Variants in NAPEPLD observed in about 807,000 individuals in gnomAD.
NAPEPLD encodes the protein N-acyl phosphatidylethanolamine phospholipase D, also known as N-acyl-phosphatidylethanolamine-hydrolyzing phospholipase D.
Under a neutral mutation model 38.1 loss-of-function variants are expected in NAPEPLD, and 23 were observed. That is an observed-to-expected ratio of 0.60 (90% CI 0.43 to 0.86). The LOEUF is 0.86. NAPEPLD is among the 40% of genes least tolerant of loss of function. The probability of loss-of-function intolerance (pLI) is 0.00; values close to 1 mark genes in which losing one functional copy is unlikely to be tolerated. For missense variants in NAPEPLD, 411 were observed against 476.8 expected (o/e 0.86, Z 1.28); for synonymous variants, 147 against 162.0 (o/e 0.91, Z 0.71).
At chr7:103,122,777 A>C (rs1260407357) in intron 2 of NAPEPLD, among the ~76,000 whole-genome samples, 1 of 152,196 alleles carries the variant, frequency 6.6e-6, no homozygotes, top group African/African-American at 2.4e-5. Flanking sequence ...CTACTAACCT[A>C]GTTAAGATGC....
Position 103,101,913 on chromosome 7 carries a change from C to G in NAPEPLD, c.*1516G>C, listed in dbSNP as rs1802454210. 6.6e-6 allele frequency: 1 copy of G among 152,108 alleles called. No individual in the cohort carries two copies. Among genetic ancestry groups the G allele is most frequent in the Non-Finnish European group, 1.5e-5 (1 of 68,024 alleles). 9.4% of individuals were successfully genotyped at this position (152,108 alleles called of 1,614,324 possible). A position where few individuals can be genotyped will look rare whatever the true frequency, so the allele number is the denominator to read the frequency against. On this transcript the variant is annotated 3_prime_UTR_variant, in exon 5 of 5. Transcript: ENST00000465647. ...ATACAGAATGGGCCTCCAGTGGTAT[C>G]TAATCCACCTCCCTCCCTTAGGAAG...
chr7:103,134,078 A>AT (rs1335140885), intron 1 of NAPEPLD, among the ~76,000 whole-genome samples: 10 of 152,252 alleles, frequency 6.6e-5, no homozygotes, highest in Non-Finnish European at 1.5e-4. Context: ...ACATATAGTG[A>AT]TATCAGTGGT....
chr7:103,104,690 G>A (rs1406368075), intron 4 of NAPEPLD, among the ~76,000 whole-genome samples: 2 of 152,196 alleles, frequency 1.3e-5, no homozygotes, highest in Non-Finnish European at 2.9e-5. Context: ...GTAATGGATA[G>A]TTGATAACAG....
chr7:103,149,447 T>A (rs1267966524), upstream of NAPEPLD: 2 of 1,258,328 alleles, frequency 1.6e-6, no homozygotes, highest in Non-Finnish European at 2.1e-6. Flanking sequence ...CGCCAGCAGC[T>A]GCAGGCAGCG....
intron 1 of NAPEPLD, among the ~76,000 whole-genome samples, chr7:103,146,217 T>C (rs1172974685): frequency 6.6e-6 from 1 of 152,154 alleles, no homozygotes; most frequent in Non-Finnish European, 1.5e-5. Flanking sequence ...TGGTGGCACA[T>C]GCCTGTAATT....
At chr7:103,143,727 G>T (rs1585906752) in intron 1 of NAPEPLD, among the ~76,000 whole-genome samples, 1 of 152,178 alleles carries the variant, frequency 6.6e-6, no homozygotes, top group African/African-American at 2.4e-5. Context: ...TCATGTGTAG[G>T]AAAAACATAT....
intron 1 of NAPEPLD, among the ~76,000 whole-genome samples, chr7:103,147,520 CTGCT>C (rs1297605138): frequency 2.0e-5 from 3 of 152,296 alleles, no homozygotes; most frequent in Non-Finnish European, 4.4e-5. Flanking sequence ...AAGGCAAATA[CTGCT>C]TTTCCAAACA....
At chr7:103,109,862 C>T (rs1013414186) in intron 4 of NAPEPLD, among the ~76,000 whole-genome samples, 5 of 151,966 alleles carry the variant, frequency 3.3e-5, no homozygotes, top group African/African-American at 4.8e-5. Flanking sequence ...ATCAAATTGA[C>T]GCAATAAAAA....
intron 2 of NAPEPLD, among the ~76,000 whole-genome samples, chr7:103,120,701 CTTTTTTTTTT>C (rs869141133): frequency 1.2e-4 from 10 of 82,530 alleles, no homozygotes; most frequent in Admixed American, 6.4e-4. Context: ...TGATATTTTT[CTTTTTTTTTT>C]TTTTTTTTTT....
At position 103,119,830 on chromosome 7, in the gene NAPEPLD, A is replaced by G. The variant is rs1271780061; in HGVS notation, c.688T>C (p.Leu230=). Residue 230 remains leucine (L), a synonymous_variant, in exon 3 of 5, where the codon TTG becomes CTG. Transcript: ENST00000465647. The stretch of plus-strand genomic sequence containing the variant: ...ACACAATTCTCCTCCCACCAGTCCA[A>G]CTCAATCACATTCTCACAGCCACAT... The part of the protein sequence containing the change: ...QKCGCENVIE[L]DWWEENCVPG... 6.2e-7 allele frequency: 1 copy of G among 1,613,982 alleles called. No individual in the cohort carries two copies. The highest frequency in any genetic ancestry group is 2.2e-5 in the East Asian group (1 of 44,898).
intron 1 of NAPEPLD, among the ~76,000 whole-genome samples, chr7:103,135,557 C>T (rs1809852184): frequency 1.3e-5 from 2 of 152,102 alleles, no homozygotes; most frequent in Admixed American, 1.3e-4. Context: ...TATCACTGAA[C>T]TTCATTCTTA....
At chr7:103,148,009 A>G in intron 1 of NAPEPLD, 2 of 983,914 alleles carry the variant, frequency 2.0e-6, no homozygotes, top group Non-Finnish European at 2.4e-6. Flanking sequence ...AACAAAAATC[A>G]CACTATTGTG....
chr7:103,115,469 C>A, intron 3 of NAPEPLD: 1 of 244,452 alleles, frequency 4.1e-6, no homozygotes, highest in South Asian at 1.2e-4. Flanking sequence ...AAGCAAAAGT[C>A]TTTCTTGTAC....
chr7:103,147,792 T>TTG (rs1343095574), intron 1 of NAPEPLD, among the ~76,000 whole-genome samples: 1 of 152,214 alleles, frequency 6.6e-6, no homozygotes, highest in Non-Finnish European at 1.5e-5. Context: ...AGAAATACAC[T>TTG]AAGTATTTTT....
intron 1 of NAPEPLD, among the ~76,000 whole-genome samples, chr7:103,145,392 C>T (rs77162477): frequency 2.0e-5 from 3 of 152,112 alleles, no homozygotes; most frequent in Non-Finnish European, 2.9e-5. Context: ...TATATACAAT[C>T]GGCATTTAGT....
In NAPEPLD at chr7:103,128,648, G is replaced by A; in HGVS notation, c.129C>T (p.Ser43=). 1 of 1,614,116 alleles carries A rather than the reference G, an allele frequency of 6.2e-7. No individual in the cohort carries two copies. Among genetic ancestry groups the A allele is most frequent in the Non-Finnish European group, 8.5e-7 (1 of 1,180,004 alleles). Residue 43 remains serine, a synonymous_variant, in exon 2 of 5, where the codon AGC becomes AGT. Coordinates refer to ENST00000465647, the MANE Select transcript of NAPEPLD (RefSeq NM_001122838.3). ...CTTCTAGTCTATAATCCAGTTTGAAGCTTTTCCTAGAAAACCTAGAAGAAT... is the reference window on the plus strand; with the variant it reads ...CTTCTAGTCTATAATCCAGTTTGAAACTTTTCCTAGAAAACCTAGAAGAAT... ...ASDSSRFSRK[S]FKLDYRLEED...
chr7:103,144,770 G>A (rs771387807), intron 1 of NAPEPLD, among the ~76,000 whole-genome samples: 1 of 151,916 alleles, frequency 6.6e-6, no homozygotes, highest in African/African-American at 2.4e-5. Context: ...CACTTTCAGA[G>A]GCTGAATGAA....
intron 1 of NAPEPLD, among the ~76,000 whole-genome samples, chr7:103,141,104 C>T (rs1811209776): frequency 6.6e-6 from 1 of 152,030 alleles, no homozygotes; most frequent in African/African-American, 2.4e-5. Context: ...ATGGCCAAAA[C>T]AGGTTTTCAA....
chr7:103,137,263 G>T (rs1328654767), intron 1 of NAPEPLD, among the ~76,000 whole-genome samples: 2 of 152,328 alleles, frequency 1.3e-5, no homozygotes, highest in Non-Finnish European at 2.9e-5. Flanking sequence ...TGAGAGGAAA[G>T]AATGCAAAAC....
Sources: gnomAD v4.1 joint callset for allele counts (sites outside exome capture counted in the v4.1 genomes callset) on GRCh38, gnomAD v4.1.1 for gene constraint, MANE v1.5 for transcripts, NCBI Gene and HGNC (gene_info 2026-07-23, HGNC 2026-07-21) for gene names.